The following SIN3A variants were observed in gnomAD, a reference collection of about 807,000 sequenced individuals.
SIN3A encodes the protein paired amphipathic helix protein Sin3a.
Under a neutral mutation model 146.1 loss-of-function variants are expected in SIN3A, and 14 were observed. That is an observed-to-expected ratio of 0.10 (90% confidence interval 0.06 to 0.15). The LOEUF (loss-of-function observed/expected upper bound fraction) is 0.15, where lower values mean the gene tolerates loss of function less well. Ranked by LOEUF, SIN3A falls within the 10% of genes least tolerant of loss-of-function variation. The pLI, the probability that SIN3A is intolerant of heterozygous loss-of-function variation, is 1.00. For synonymous variants in SIN3A, 572 were observed against 572.0 expected, an observed-to-expected ratio of 1.00 and a Z score of 0.00; for missense variants, 1,028 against 1,576.0, an observed-to-expected ratio of 0.65 and a Z score of 5.89.
intron 17 of SIN3A, among the ~76,000 whole-genome samples, chr15:75,382,436 AT>A (rs1246508063): frequency 6.6e-6 from 1 of 152,224 alleles, no homozygotes; most frequent in Non-Finnish European, 1.5e-5. Flanking sequence ...TCCAGTATTC[AT>A]AACAGGATGT....
At chr15:75,385,776 T>G (rs1292267478) in intron 16 of SIN3A, among the ~76,000 whole-genome samples, 1 of 152,188 alleles carries the variant, frequency 6.6e-6, no homozygotes, top group Non-Finnish European at 1.5e-5. Context: ...AGTAGATAAC[T>G]GGACACAGTG....
chr15:75,383,671 G>A (rs1488941317), intron 17 of SIN3A, among the ~76,000 whole-genome samples: 2 of 152,150 alleles, frequency 1.3e-5, no homozygotes, highest in Non-Finnish European at 2.9e-5. Context: ...TGGGACTACA[G>A]ACGCCCACCA....
Position 75,412,808 on chromosome 15 carries a change from A to G in SIN3A, c.711T>C (p.Ala237=), listed in dbSNP as rs769538956. 4 of 1,607,608 alleles carry G rather than the reference A, an allele frequency of 2.5e-6. No homozygotes were observed. The highest frequency in any genetic ancestry group is 1.3e-5 in the African/African-American group (1 of 74,866). ...PSQPSAQSAP[A]PAQPAPQPPP... ...GGGGCTGAGGAGCTGGCTGGGCAGG[A>G]GCTGGGGCTGACTGGGCTGAAGGCT... Residue 237 remains alanine, a synonymous_variant, in exon 5 of 21, where the codon GCT becomes GCC. Transcript: ENST00000394947.
At chr15:75,413,498 A>G (rs2073680862) in intron 4 of SIN3A, among the ~76,000 whole-genome samples, 1 of 151,986 alleles carries the variant, frequency 6.6e-6, no homozygotes, top group Non-Finnish European at 1.5e-5. Context: ...CGAACTCTGA[A>G]ATTCCAAAGC....
intron 2 of SIN3A, among the ~76,000 whole-genome samples, chr15:75,429,084 C>G (rs1865864582): frequency 6.6e-6 from 1 of 152,118 alleles, no homozygotes; most frequent in Non-Finnish European, 1.5e-5. Context: ...GGTAAAGCTT[C>G]TGGACAATAG....
intron 1 of SIN3A, among the ~76,000 whole-genome samples, chr15:75,442,849 T>C (rs1243171465): frequency 6.6e-6 from 1 of 151,084 alleles, no homozygotes; most frequent in East Asian, 2.0e-4. Flanking sequence ...GGAGAATCCC[T>C]TGAACCCAGG....
At chr15:75,383,377 A>G (rs1310146065) in intron 17 of SIN3A, among the ~76,000 whole-genome samples, 7 of 152,002 alleles carry the variant, frequency 4.6e-5, no homozygotes, top group Non-Finnish European at 1.0e-4. Context: ...GTCATCAATG[A>G]TAATTTCAGG....
intron 1 of SIN3A, among the ~76,000 whole-genome samples, chr15:75,442,617 TAAAAA>T (rs374599694): frequency 1.5e-4 from 18 of 123,094 alleles, no homozygotes; most frequent in East Asian, 2.4e-4. Flanking sequence ...ATCCCATCTT[TAAAAA>T]AAAAAAAAAA....
chr15:75,409,762 T>A (rs1278995865), intron 8 of SIN3A, 74 bp downstream of exon 8: 1 of 1,476,758 alleles, frequency 6.8e-7, no homozygotes, highest in Non-Finnish European at 9.2e-7. Flanking sequence ...ACAAAACACA[T>A]GACCACCTCT....
intron 9 of SIN3A, among the ~76,000 whole-genome samples, chr15:75,402,323 C>G (rs936680567): frequency 2.6e-5 from 4 of 152,062 alleles, no homozygotes; most frequent in Non-Finnish European, 4.4e-5. Context: ...CCCAGACTGG[C>G]CAACATGCTG....
chr15:75,455,812 G>T (rs1169905313), upstream of SIN3A: 1 of 152,290 alleles, frequency 6.6e-6, no homozygotes, highest in South Asian at 2.1e-4. Flanking sequence ...GAGGAGTCCT[G>T]AATGGGGGGG....
intron 1 of SIN3A, among the ~76,000 whole-genome samples, chr15:75,442,103 A>G (rs2074222763): frequency 1.5e-5 from 2 of 130,388 alleles, no homozygotes; most frequent in Non-Finnish European, 3.2e-5. Flanking sequence ...CTGGGTAACA[A>G]GAGTGAGACT....
chr15:75,447,047 A>G (rs2074320581), intron 1 of SIN3A, among the ~76,000 whole-genome samples: 1 of 152,198 alleles, frequency 6.6e-6, no homozygotes. Flanking sequence ...TATTACAGGC[A>G]TGGGCCACCG....
intron 16 of SIN3A, among the ~76,000 whole-genome samples, chr15:75,385,501 A>G (rs891053207): frequency 4.6e-5 from 7 of 152,260 alleles, no homozygotes; most frequent in African/African-American, 1.7e-4. Flanking sequence ...TGAACGTTTC[A>G]GAGTTCCCAT....
intron 3 of SIN3A, among the ~76,000 whole-genome samples, chr15:75,415,098 G>A (rs548536182): frequency 6.6e-6 from 1 of 152,258 alleles, no homozygotes; most frequent in African/African-American, 2.4e-5. Context: ...CTGCAGTGTT[G>A]AGAAAAAATT....
intron 1 of SIN3A, among the ~76,000 whole-genome samples, chr15:75,450,661 G>A (rs11637068): frequency 0.33 from 50,285 of 152,136 alleles, 9,222 homozygotes; most frequent in Middle Eastern, 0.48. Flanking sequence ...AAGCAGCTCC[G>A]GCACAGGGCC....
intron 20 of SIN3A, among the ~76,000 whole-genome samples, chr15:75,375,452 C>T (rs2072836905): frequency 6.6e-6 from 1 of 152,222 alleles, no homozygotes; most frequent in African/African-American, 2.4e-5. Context: ...TGACTTTGGA[C>T]TTCTAGTCTC....
chr15:75,442,649 G>A (rs1455946483), intron 1 of SIN3A, among the ~76,000 whole-genome samples: 5 of 148,310 alleles, frequency 3.4e-5, no homozygotes, highest in African/African-American at 7.4e-5. Flanking sequence ...AAAATTCACC[G>A]CTGGGCATGG....
chr15:75,391,502 TAA>T (rs35832447), intron 15 of SIN3A, among the ~76,000 whole-genome samples: 24 of 129,560 alleles, frequency 1.9e-4, no homozygotes, highest in Non-Finnish European at 1.7e-4. Context: ...CAGCAACACA[TAA>T]AAAAAAAAAA....
Sources: allele counts gnomAD v4.1 joint callset (sites outside exome capture counted in the v4.1 genomes callset), GRCh38; gene constraint gnomAD v4.1.1; transcripts MANE v1.5; gene names NCBI Gene and HGNC (gene_info 2026-07-23, HGNC 2026-07-21).